PROC: variants seen among roughly 807,000 people sequenced by gnomAD.
PROC encodes vitamin K-dependent protein C.
In PROC, 22 loss-of-function variants were observed where a neutral mutation model predicts 36.3. That is an observed-to-expected ratio of 0.61 (90% CI 0.43 to 0.86). The LOEUF (loss-of-function observed/expected upper bound fraction) is 0.86. PROC is among the 40% of genes least tolerant of loss of function. PROC has a pLI of 0.00. For missense variants in PROC, 526 were observed against 629.7 expected (o/e 0.84, Z 1.76); for synonymous variants, 218 against 244.5 (o/e 0.89, Z 1.01).
In PROC at chr2:127,426,302, A is replaced by C; in HGVS notation, c.678+75A>C. On this transcript the variant is annotated intron_variant, in intron 7 of 8. Transcript: ENST00000234071. This position sits in a 1 kb window ranked among gnomAD's most constrained non-coding sequence, Gnocchi z 7.0. Reference sequence around the variant, plus strand: ...TGAGTCCATCCTGGCAGCTATGCTCAGGGTGCAGAAACCGAGAGGGAAGCG... The same window carrying C: ...TGAGTCCATCCTGGCAGCTATGCTCCGGGTGCAGAAACCGAGAGGGAAGCG... 4.0e-5 allele frequency: 63 copies of C among 1,593,926 alleles called. No individual in the cohort carries two copies. The highest frequency in any genetic ancestry group is 5.1e-5 in the Non-Finnish European group (59 of 1,164,096).
chr2:127,421,494 G>A, intron 3 of PROC, 45 bp downstream of exon 3: 1 of 1,609,806 alleles, frequency 6.2e-7, no homozygotes, highest in South Asian at 1.1e-5. Context: ...GGGGCGAGCT[G>A]GTAACCAGCA....
At chr2:127,420,547 G>A (rs1688034996) in intron 2 of PROC, among the ~76,000 whole-genome samples, 1 of 152,034 alleles carries the variant, frequency 6.6e-6, no homozygotes, top group Admixed American at 6.5e-5. Context: ...TTATCTGCTT[G>A]GGACCTGCAC....
At chr2:127,427,066 G>T (rs891823857) in intron 7 of PROC, 39 bp from the exon 8 acceptor site, 6 of 1,552,088 alleles carry the variant, frequency 3.9e-6, no homozygotes, top group Middle Eastern at 1.7e-4. Flanking sequence ...AGGCTGTCAG[G>T]AGGCAGCCCT....
chr2:127,422,311 C>A (rs1292627245), intron 3 of PROC, among the ~76,000 whole-genome samples: 1 of 152,256 alleles, frequency 6.6e-6, no homozygotes, highest in African/African-American at 2.4e-5. Context: ...AAGTCCCCAC[C>A]GTGCTCCCAC....
intron 2 of PROC, among the ~76,000 whole-genome samples, chr2:127,420,959 T>C (rs116428211): frequency 6.6e-6 from 1 of 152,174 alleles, no homozygotes; most frequent in African/African-American, 2.4e-5. Context: ...GACGGTCTCA[T>C]CCCCATGTTT....
Position 127,421,331 on chromosome 2 carries a change from G to A in PROC, c.119G>A (p.Arg40His), listed in dbSNP as rs770650361. The A allele has an allele frequency of 2.5e-6, 4 of 1,613,874 alleles. No homozygotes were observed. Among genetic ancestry groups the A allele is most frequent in the Non-Finnish European group, 2.5e-6 (3 of 1,179,906 alleles). Residue 40 changes from arginine (R) to histidine (H), a missense_variant, in exon 3 of 9, where the codon CGC (arginine) becomes CAC (histidine). Transcript: ENST00000234071. ...CGTGCCCACCAGGTGCTGCGGATCC[G>A]CAAACGTGCCAACTCCTTCCTGGAG... ...SERAHQVLRI[R>H]KRANSFLEEL...
At chr2:127,422,823 T>C (rs938455697) in intron 3 of PROC, 94 bp from the exon 4 acceptor site, 4 of 1,453,956 alleles carry the variant, frequency 2.8e-6, no homozygotes, top group Admixed American at 2.0e-5. Flanking sequence ...AGCCCTCCCC[T>C]CCCCTGCCCG....
At chr2:127,421,573 G>A in intron 3 of PROC, 124 bp downstream of exon 3, 1 of 1,108,216 alleles carries the variant, frequency 9.0e-7, no homozygotes, top group Non-Finnish European at 1.3e-6. Flanking sequence ...TGGCTGAGTG[G>A]AGCGATTAGG....
chr2:127,419,270 A>G (rs1024696008), intron 1 of PROC, among the ~76,000 whole-genome samples: 2 of 152,204 alleles, frequency 1.3e-5, no homozygotes, highest in Non-Finnish European at 2.9e-5. Context: ...GACAGCATTA[A>G]TAACTACCTC....
In PROC at chr2:127,418,503, C is replaced by A; in HGVS notation, c.-22+11C>A. On this transcript the variant is annotated intron_variant, in intron 1 of 8. Coordinates refer to ENST00000234071, the MANE Select transcript of PROC (RefSeq NM_000312.4). The surrounding 1 kb of genome is among the most constrained non-coding windows in gnomAD (Gnocchi z 4.8). ...CCACGACCCGCCCCTGTGAGTCCCC[C>A]TCCAGGCAGGTCTATGAGGGGTGTG... 2.3e-6 allele frequency: 3 copies of A among 1,289,792 alleles called. No individual in the cohort carries two copies. Among genetic ancestry groups the A allele is most frequent in the Non-Finnish European group, 3.0e-6 (3 of 988,822 alleles). The allele number at this position is 1,289,792 out of a possible 1,614,324, so 79.9% of individuals were successfully genotyped here.
At chr2:127,425,915 G>A (rs1462773847) in intron 6 of PROC, among the ~76,000 whole-genome samples, 170 bp from the exon 7 acceptor site, 3 of 152,118 alleles carry the variant, frequency 2.0e-5, no homozygotes, top group Non-Finnish European at 4.4e-5. Context: ...TGACTGACTG[G>A]CTGACTGGAG....
Position 127,418,432 on chromosome 2 carries a change from G to C in PROC, c.-82G>C. 4 of 1,289,812 alleles carry C rather than the reference G, an allele frequency of 3.1e-6. No individual in the cohort carries two copies. Among genetic ancestry groups the C allele is most frequent in the Non-Finnish European group, 3.0e-6 (3 of 988,860 alleles). The allele number at this position is 1,289,812 out of a possible 1,614,324, so 79.9% of individuals were successfully genotyped here. On this transcript the variant is annotated 5_prime_UTR_variant, in exon 1 of 9. Transcript: ENST00000234071. The surrounding 1 kb of genome is among the most constrained non-coding windows in gnomAD (Gnocchi z 4.8). Reference sequence around the variant, plus strand: ...AATATTTGTGGTTATGGATTAACTCGAACTCCAGGCTGTCATGGCGGCAGG... The same window carrying C: ...AATATTTGTGGTTATGGATTAACTCCAACTCCAGGCTGTCATGGCGGCAGG...
rs373299422 is a variant in PROC at position 127,428,583 on chromosome 2, C to T, written c.1023C>T (p.Gly341=). 1.2e-6 allele frequency: 2 copies of T among 1,613,832 alleles called. No individual in the cohort carries two copies. Among genetic ancestry groups the T allele is most frequent in the African/African-American group, 2.7e-5 (2 of 75,082 alleles). Residue 341 remains glycine (G), a synonymous_variant, in exon 9 of 9, where the codon GGC becomes GGT. Transcript: ENST00000234071. The part of the protein sequence containing the change: ...NQAGQETLVT[G]WGYHSSREKE... ...CCGGCCAGGAGACCCTCGTGACGGGCTGGGGCTACCACAGCAGCCGAGAGA... is the reference window on the plus strand; with the variant it reads ...CCGGCCAGGAGACCCTCGTGACGGGTTGGGGCTACCACAGCAGCCGAGAGA...
intron 4 of PROC, 29 bp downstream of exon 4, chr2:127,422,970 C>A: frequency 1.2e-6 from 2 of 1,610,810 alleles, no homozygotes; most frequent in African/African-American, 2.7e-5. Flanking sequence ...CCCGGCTGGA[C>A]TACCGGCGCC....
chr2:127,423,117 G>A lies in PROC; in HGVS notation c.346G>A (p.Gly116Ser). ...CGHGTCIDGI[G>S]SFSCDCRSGW... ...GCACGGCACGTGCATCGACGGCATC[G>A]GCAGCTTCAGCTGCGACTGCCGCAG... The change falls in exon 5 of 9, where the codon GGC becomes AGC. Residue 116 changes from glycine (G) to serine (S), a missense_variant. Physicochemically the swap from Gly to Ser is moderately conservative, Grantham distance 56. Coordinates refer to ENST00000234071, the MANE Select transcript of PROC (RefSeq NM_000312.4). 1.9e-6 allele frequency: 3 copies of A among 1,608,044 alleles called. No homozygotes were observed. The highest frequency in any genetic ancestry group is 2.5e-6 in the Non-Finnish European group (3 of 1,177,482).
chr2:127,420,216 G>A (rs182479044), intron 2 of PROC, among the ~76,000 whole-genome samples: 3 of 152,316 alleles, frequency 2.0e-5, no homozygotes, highest in East Asian at 1.9e-4. Flanking sequence ...GCAGGCATGC[G>A]TGATGGCAGG....
Position 127,428,713 on chromosome 2 carries a change from A to G in PROC, c.1153A>G (p.Met385Val), listed in dbSNP as rs1310224740. 1.2e-6 allele frequency: 2 copies of G among 1,613,736 alleles called. No individual in the cohort carries two copies. Among genetic ancestry groups the G allele is most frequent in the East Asian group, 2.2e-5 (1 of 44,872 alleles). ...CATGAGCAACATGGTGTCTGAGAAC[A>G]TGCTGTGTGCGGGCATCCTCGGGGA... ...EVMSNMVSEN[M>V]LCAGILGDRQ... The change falls in exon 9 of 9, where the codon ATG becomes GTG. Residue 385 changes from methionine to valine, a missense_variant. Coordinates refer to ENST00000234071, the MANE Select transcript of PROC (RefSeq NM_000312.4).
intron 6 of PROC, among the ~76,000 whole-genome samples, chr2:127,424,791 G>T (rs1688375943): frequency 1.3e-5 from 2 of 152,252 alleles, no homozygotes; most frequent in African/African-American, 4.8e-5. Flanking sequence ...TGGGTTTCCT[G>T]CAAGGCCTTG....
chr2:127,425,090 G>A (rs1041127053), intron 6 of PROC, among the ~76,000 whole-genome samples: 1 of 152,334 alleles, frequency 6.6e-6, no homozygotes, highest in South Asian at 2.1e-4. Flanking sequence ...TCAAGTCAGT[G>A]AGGAGGGCTT....
Sources: gnomAD v4.1 joint callset for allele counts (sites outside exome capture counted in the v4.1 genomes callset) on GRCh38, gnomAD v4.1.1 for gene constraint, Gnocchi (gnomAD v3.1) non-coding constraint, MANE v1.5 for transcripts, NCBI Gene and HGNC (gene_info 2026-07-23, HGNC 2026-07-21) for gene names.